Variants in SAR1B observed in about 807,000 individuals in gnomAD.
The protein encoded by SAR1B is secretion associated Ras related GTPase 1B, also known as small COPII coat GTPase SAR1B.
SAR1B carries 23 observed loss-of-function variants against 26.8 expected under a neutral mutation model. The ratio of observed to expected loss-of-function variants is 0.86; its 90% confidence interval spans 0.62 to 1.22. The LOEUF (loss-of-function observed/expected upper bound fraction) is 1.22, where lower values mean the gene tolerates loss of function less well. Ranked by LOEUF, SAR1B falls within the 50% of genes most tolerant of loss-of-function variation. The pLI, the probability that SAR1B is intolerant of heterozygous loss-of-function variation, is 0.00. For missense variants in SAR1B, 196 were observed against 232.8 expected, an observed-to-expected ratio of 0.84 and a Z score of 1.03; for synonymous variants, 65 against 80.8, an observed-to-expected ratio of 0.80 and a Z score of 1.05.
chr5:134,612,678 A>AAAAAAAAAAAT lies in SAR1B; in HGVS notation c.244+12_244+13insATTTTTTTTTT. On this transcript the variant is annotated intron_variant, in intron 4 of 6. Transcript: ENST00000402673. Reference sequence around the variant, plus strand: ...AAAAAAAAAAAAAAAAAAAAAAAAAAAAAGAATCTTACCTTGAACATGTCC... The same window carrying AAAAAAAAAAAT: ...AAAAAAAAAAAAAAAAAAAAAAAAAAAAAAAAAAAATAAAGAATCTTACCTTGAACATGTCC... The AAAAAAAAAAAT allele has an allele frequency of 1.0e-6, 1 of 1,000,224 alleles. No homozygotes were observed. Among genetic ancestry groups the AAAAAAAAAAAT allele is most frequent in the Non-Finnish European group, 1.4e-6 (1 of 716,886 alleles). The allele number at this position is 1,000,224 out of a possible 1,614,324, so 62.0% of individuals were successfully genotyped here.
At chr5:134,621,436 G>A (rs1214256953) in intron 2 of SAR1B, among the ~76,000 whole-genome samples, 1 of 151,816 alleles carries the variant, frequency 6.6e-6, no homozygotes, top group Non-Finnish European at 1.5e-5. Context: ...TCATGCCATT[G>A]TACTCCAGCC....
At chr5:134,609,955 A>T (rs187384801) in intron 4 of SAR1B, among the ~76,000 whole-genome samples, 41 of 151,754 alleles carry the variant, frequency 2.7e-4, no homozygotes, top group South Asian at 8.3e-4. Context: ...AAAATAAAAA[A>T]AAATACACGT....
chr5:134,616,211 C>T (rs1317659976), intron 3 of SAR1B, among the ~76,000 whole-genome samples: 2 of 148,724 alleles, frequency 1.3e-5, no homozygotes, highest in African/African-American at 2.5e-5. Flanking sequence ...CCGAGGGGGG[C>T]GGATCACCTG....
At chr5:134,618,505 C>T (rs999624901) in intron 3 of SAR1B, among the ~76,000 whole-genome samples, 3 of 152,100 alleles carry the variant, frequency 2.0e-5, no homozygotes, top group African/African-American at 7.2e-5. Flanking sequence ...ATTAAGGCTA[C>T]ACTTACTATT....
At position 134,606,903 on chromosome 5, in the gene SAR1B, T is replaced by A. The variant is rs1196330584; in HGVS notation, c.*47A>T. 8.1e-7 allele frequency: 1 copy of A among 1,227,200 alleles called. No homozygotes were observed. Among genetic ancestry groups the A allele is most frequent in the East Asian group, 2.3e-5 (1 of 43,122 alleles). The allele number at this position is 1,227,200 out of a possible 1,614,324, so 76.0% of individuals were successfully genotyped here. A position where few individuals can be genotyped will look rare whatever the true frequency, so the allele number is the denominator to read the frequency against. On this transcript the variant is annotated 3_prime_UTR_variant, in exon 7 of 7. Coordinates refer to ENST00000402673, the MANE Select transcript of SAR1B (RefSeq NM_016103.4). ...GTTATGCATGTTGAGCAATCAAATC[T>A]CTGAGTAAGCCTGAACGTTGAGACC...
intron 3 of SAR1B, chr5:134,613,475 A>C (rs576648551): frequency 6.6e-6 from 1 of 152,372 alleles, no homozygotes; most frequent in East Asian, 1.9e-4. Flanking sequence ...AAACTGGTAC[A>C]ATAATACTTT....
chr5:134,612,581 G>A (rs1765231846), intron 4 of SAR1B, 110 bp downstream of exon 4: 1 of 1,063,820 alleles, frequency 9.4e-7, no homozygotes. Context: ...GGAGGCAGAG[G>A]TTGCAGTGAG....
Position 134,608,167 on chromosome 5 carries a change from C to G in SAR1B, c.480+205G>C, listed in dbSNP as rs329297. 0.98 allele frequency among the ~76,000 whole-genome samples: 149,168 copies of G among 152,282 alleles called. 73,137 individuals are homozygous for G. Among genetic ancestry groups the G allele is most frequent in the Middle Eastern group, 1 (294 of 294 alleles). ...ATAAGCACAAGCCTTAGGCATAACT[C>G]ATCCTTGACATTTTTGTTGTCACCA... On this transcript the variant is annotated intron_variant, in intron 6 of 6. Transcript: ENST00000402673.
intron 2 of SAR1B, among the ~76,000 whole-genome samples, chr5:134,621,479 TAAATAA>T: frequency 7.8e-3 from 1 of 128 alleles, no homozygotes; most frequent in Admixed American, 0.5. Flanking sequence ...TCTCAAAAAA[TAAATAA>T]ATAAATAAAT....
At chr5:134,630,456 CAAAAAAAAAA>C (rs773343974) in intron 1 of SAR1B, among the ~76,000 whole-genome samples, 4 of 41,562 alleles carry the variant, frequency 9.6e-5, no homozygotes, top group Non-Finnish European at 1.9e-4. Context: ...AACTCTATCT[CAAAAAAAAAA>C]AAAAAAAAAA....
intron 4 of SAR1B, among the ~76,000 whole-genome samples, chr5:134,611,336 C>T (rs1314189958): frequency 6.6e-6 from 1 of 152,124 alleles, no homozygotes; most frequent in African/African-American, 2.4e-5. Flanking sequence ...CTATATGTCG[C>T]ATCAGGTTTT....
chr5:134,607,281 A>G (rs564286077), intron 6 of SAR1B, among the ~76,000 whole-genome samples: 1 of 152,302 alleles, frequency 6.6e-6, no homozygotes, highest in Non-Finnish European at 1.5e-5. Context: ...CTCAGTGGGA[A>G]AGAGGTTAGC....
In SAR1B at chr5:134,605,659, C is replaced by CAAAAAAAAAAAAAAAAAAAAAGA. The variant is rs1765114573; in HGVS notation, c.*1290_*1291insTCTTTTTTTTTTTTTTTTTTTTT. ...GTCTCTAAAACAAAATGAAACAGAG[C>CAAAAAAAAAAAAAAAAAAAAAGA]AAAAAAAAAAAAAAAAAAAAAGCCC... On this transcript the variant is annotated 3_prime_UTR_variant, in exon 7 of 7. Coordinates refer to ENST00000402673, the MANE Select transcript of SAR1B (RefSeq NM_016103.4). 2.9e-5 allele frequency: 1 copy of CAAAAAAAAAAAAAAAAAAAAAGA among 35,024 alleles called. No individual in the cohort carries two copies. Among genetic ancestry groups the CAAAAAAAAAAAAAAAAAAAAAGA allele is most frequent in the Non-Finnish European group, 5.9e-5 (1 of 16,908 alleles). The allele number at this position is 35,024 out of a possible 1,614,324, so 2.2% of individuals were successfully genotyped here.
chr5:134,622,516 T>A (rs1765427102), intron 2 of SAR1B, among the ~76,000 whole-genome samples: 1 of 151,094 alleles, frequency 6.6e-6, no homozygotes, highest in Admixed American at 6.6e-5. Flanking sequence ...GTTCAAGCGA[T>A]TCTCCTGCCT....
At chr5:134,629,233 G>A (rs1056657160) in intron 1 of SAR1B, among the ~76,000 whole-genome samples, 22 of 151,046 alleles carry the variant, frequency 1.5e-4, no homozygotes, top group African/African-American at 5.4e-4. Context: ...ACCAACCTGG[G>A]AAACATGGGA....
chr5:134,609,200 G>C, intron 5 of SAR1B: 1 of 431,706 alleles, frequency 2.3e-6, no homozygotes, highest in East Asian at 6.8e-5. Context: ...GTCAAAGATG[G>C]CATGTCCTAT....
At chr5:134,607,935 T>G (rs1437292292) in intron 6 of SAR1B, among the ~76,000 whole-genome samples, 3 of 152,142 alleles carry the variant, frequency 2.0e-5, no homozygotes, top group Non-Finnish European at 4.4e-5. Flanking sequence ...CTAGGAAAAG[T>G]GAATACCAAA....
rs1447544855 is a variant in SAR1B at position 134,603,488 on chromosome 5, A to G, written c.*3462T>C. 1.3e-5 allele frequency: 2 copies of G among 152,242 alleles called. No homozygotes were observed. Among genetic ancestry groups the G allele is most frequent in the African/African-American group, 4.8e-5 (2 of 41,456 alleles). 9.4% of individuals were successfully genotyped at this position (152,242 alleles called of 1,614,324 possible). On this transcript the variant is annotated 3_prime_UTR_variant, in exon 7 of 7. Transcript: ENST00000402673. ...TTTACAAGTAGTTTATGCGCTTTCC[A>G]TCACTATAAAGTATGGGCCAGTTGA... is the stretch of plus-strand genomic sequence containing the variant.
chr5:134,608,562 T>C, intron 5 of SAR1B, 59 bp from the exon 6 acceptor site: 10 of 1,551,736 alleles, frequency 6.4e-6, no homozygotes, highest in Non-Finnish European at 8.8e-6. Flanking sequence ...AAAGAGCTTA[T>C]TTTGATATGA....
Sources: gnomAD v4.1 joint callset for allele counts (sites outside exome capture counted in the v4.1 genomes callset) on GRCh38, gnomAD v4.1.1 for gene constraint, MANE v1.5 for transcripts, NCBI Gene and HGNC (gene_info 2026-07-23, HGNC 2026-07-21) for gene names.